The following CYP7B1 variants were observed in gnomAD, a reference collection of about 807,000 sequenced individuals.
The protein encoded by CYP7B1 is cytochrome P450 family 7 subfamily B member 1.
Under a neutral mutation model 42.7 loss-of-function variants are expected in CYP7B1, and 29 were observed. That is an observed-to-expected ratio of 0.68 (90% CI 0.51 to 0.93). The LOEUF (loss-of-function observed/expected upper bound fraction) is 0.93. Ranked by LOEUF, CYP7B1 falls within the 40% of genes least tolerant of loss-of-function variation. The pLI is 0.00. For missense variants in CYP7B1, 655 were observed against 600.5 expected (o/e 1.09, Z -0.95); for synonymous variants, 235 against 218.2 (o/e 1.08, Z -0.68).
At chr8:64,697,614 G>A (rs1372920400) in intron 1 of CYP7B1, among the ~76,000 whole-genome samples, 2 of 152,204 alleles carry the variant, frequency 1.3e-5, no homozygotes, top group South Asian at 2.1e-4. Context: ...GCATGGGGCT[G>A]TTTTTGTGCC....
At chr8:64,783,668 A>T (rs1390646264) in intron 1 of CYP7B1, among the ~76,000 whole-genome samples, 1 of 152,120 alleles carries the variant, frequency 6.6e-6, no homozygotes, top group Non-Finnish European at 1.5e-5. Context: ...ATAATCTGGT[A>T]TTCTGAGCTT....
chr8:64,704,066 C>G (rs1192410468), intron 1 of CYP7B1: 3 of 151,986 alleles, frequency 2.0e-5, no homozygotes, highest in African/African-American at 7.2e-5. Flanking sequence ...AAAAACTAAC[C>G]CATGATAAGT....
At chr8:64,694,718 C>A (rs1044176310) in intron 1 of CYP7B1, among the ~76,000 whole-genome samples, 1 of 151,952 alleles carries the variant, frequency 6.6e-6, no homozygotes, top group Non-Finnish European at 1.5e-5. Context: ...AAGTATTGAT[C>A]CAAAAAAATT....
At chr8:64,733,296 T>C (rs1243270252) in intron 1 of CYP7B1, among the ~76,000 whole-genome samples, 1 of 152,198 alleles carries the variant, frequency 6.6e-6, no homozygotes, top group Non-Finnish European at 1.5e-5. Context: ...TCTGATGCGC[T>C]AGAGACTAAA....
At position 64,798,545 on chromosome 8, in the gene CYP7B1, C is replaced by G. The variant is rs2129748562; in HGVS notation, c.43G>C (p.Glu15Gln). The change falls in exon 1 of 6, where the codon GAG (glutamate) becomes CAG (glutamine). Residue 15 changes from glutamate (E) to glutamine (Q), a missense_variant. Transcript: ENST00000310193. ...GCCAGGCCCGGGAGGCCCAACCGCT[C>G]CAGCGAAAAGCGGCCCGTGGCCGCG... The part of the protein sequence containing the change: ...VSAATGRFSL[E>Q]RLGLPGLALA... 1.3e-6 allele frequency: 2 copies of G among 1,495,812 alleles called. No individual in the cohort carries two copies. The highest frequency in any genetic ancestry group is 1.2e-5 in the South Asian group (1 of 80,020). The allele number at this position is 1,495,812 out of a possible 1,614,324, so 92.7% of individuals were successfully genotyped here.
At chr8:64,765,896 C>T (rs941610005) in intron 1 of CYP7B1, among the ~76,000 whole-genome samples, 2 of 152,214 alleles carry the variant, frequency 1.3e-5, no homozygotes, top group Middle Eastern at 6.8e-3. Flanking sequence ...ATCAGATAAC[C>T]CTGATGGCTA....
chr8:64,777,967 T>C (rs946953348), intron 1 of CYP7B1, among the ~76,000 whole-genome samples: 5 of 151,838 alleles, frequency 3.3e-5, no homozygotes, highest in African/African-American at 7.2e-5. Context: ...CTTTAAAATA[T>C]GTCTTCTTTT....
intron 1 of CYP7B1, among the ~76,000 whole-genome samples, chr8:64,738,615 A>T (rs1012634389): frequency 6.6e-6 from 1 of 152,158 alleles, no homozygotes; most frequent in Admixed American, 6.6e-5. Context: ...TACTAACTAA[A>T]CTTCTGGTTT....
intron 4 of CYP7B1, among the ~76,000 whole-genome samples, chr8:64,613,473 C>T (rs559158277): frequency 6.6e-6 from 1 of 152,130 alleles, no homozygotes; most frequent in African/African-American, 2.4e-5. Context: ...AGTGTATTTG[C>T]CTTACTTCCC....
At chr8:64,658,293 G>A (rs941636328) in intron 1 of CYP7B1, among the ~76,000 whole-genome samples, 4 of 151,892 alleles carry the variant, frequency 2.6e-5, no homozygotes, top group Non-Finnish European at 5.9e-5. Flanking sequence ...TGAAATCTCT[G>A]TTACTGTTGG....
chr8:64,642,675 C>T (rs1805875374), intron 1 of CYP7B1, among the ~76,000 whole-genome samples: 3 of 152,088 alleles, frequency 2.0e-5, no homozygotes, highest in Non-Finnish European at 4.4e-5. Flanking sequence ...GTTGAATATC[C>T]AAATTATGGT....
chr8:64,674,392 T>C (rs143447683), intron 1 of CYP7B1, among the ~76,000 whole-genome samples: 2 of 152,132 alleles, frequency 1.3e-5, no homozygotes, highest in Non-Finnish European at 2.9e-5. Context: ...GATTTCCTTG[T>C]CTGTCAATGC....
At chr8:64,744,584 C>A (rs1008911526) in intron 1 of CYP7B1, among the ~76,000 whole-genome samples, 2 of 152,032 alleles carry the variant, frequency 1.3e-5, no homozygotes, top group Admixed American at 1.3e-4. Context: ...CTTTTATTTT[C>A]TTAAGAAACA....
intron 1 of CYP7B1, among the ~76,000 whole-genome samples, chr8:64,735,716 A>T (rs1461303638): frequency 1.3e-5 from 2 of 152,188 alleles, no homozygotes; most frequent in Non-Finnish European, 2.9e-5. Context: ...GAAAATTATA[A>T]TTCTTCCCCT....
intron 1 of CYP7B1, among the ~76,000 whole-genome samples, chr8:64,639,854 T>C (rs1805827258): frequency 6.6e-6 from 1 of 152,102 alleles, no homozygotes; most frequent in Admixed American, 6.6e-5. Context: ...AATTTAGAAA[T>C]AATTCATATG....
chr8:64,630,880 A>C (rs1805685362), intron 1 of CYP7B1, among the ~76,000 whole-genome samples: 1 of 152,222 alleles, frequency 6.6e-6, no homozygotes, highest in East Asian at 1.9e-4. Context: ...TGGGACGTTA[A>C]AGAGAAAGAG....
At chr8:64,641,412 T>G (rs1282447054) in intron 1 of CYP7B1, among the ~76,000 whole-genome samples, 1 of 152,130 alleles carries the variant, frequency 6.6e-6, no homozygotes, top group Non-Finnish European at 1.5e-5. Flanking sequence ...GATGAGGACA[T>G]GTGATTGAGT....
intron 5 of CYP7B1, among the ~76,000 whole-genome samples, chr8:64,598,152 G>A (rs1288099205): frequency 6.6e-6 from 1 of 152,148 alleles, no homozygotes; most frequent in African/African-American, 2.4e-5. Flanking sequence ...ACTTGCAAGT[G>A]GATGCAATGA....
intron 1 of CYP7B1, among the ~76,000 whole-genome samples, chr8:64,650,892 C>A (rs577067919): frequency 6.6e-6 from 1 of 152,230 alleles, no homozygotes; most frequent in South Asian, 2.1e-4. Flanking sequence ...ATTCTGGGGC[C>A]TTCTCCATAG....
Sources: allele counts gnomAD v4.1 joint callset (sites outside exome capture counted in the v4.1 genomes callset), GRCh38; gene constraint gnomAD v4.1.1; transcripts MANE v1.5; gene names NCBI Gene and HGNC (gene_info 2026-07-23, HGNC 2026-07-21).